Variants in NEXMIF observed in about 807,000 individuals in gnomAD.
NEXMIF encodes the protein XLMR protein related to neurite extension.
A neutral mutation model predicts 62.1 loss-of-function variants in NEXMIF; 8 were observed. The observed-to-expected ratio is 0.13, with a 90% CI of 0.08 to 0.23. The LOEUF is 0.23. Ranked by LOEUF, NEXMIF falls within the 10% of genes least tolerant of loss-of-function variation. The pLI is 1.00. For missense variants in NEXMIF, 976 were observed against 1,113.3 expected, an observed-to-expected ratio of 0.88 and a Z score of 1.75; for synonymous variants, 404 against 416.6, an observed-to-expected ratio of 0.97 and a Z score of 0.37.
intron 1 of NEXMIF, among the ~76,000 whole-genome samples, chrX:74,815,789 C>A (rs186649271): frequency 1.8e-5 from 2 of 109,695 alleles, no homozygotes; most frequent in African/African-American, 6.7e-5. Flanking sequence ...CACGTGCCAC[C>A]ATTCCCGGCT....
Position 74,905,489 on chromosome X carries a change from C to T in NEXMIF, c.-48+19394G>A, listed in dbSNP as rs759040503. 5.3e-5 allele frequency among the ~76,000 whole-genome samples: 6 copies of T among 112,335 alleles called. No homozygotes were observed. In the South Asian group the frequency reaches 2.2e-3, roughly 42 times the overall value. ...AAGTATTTCTTATATTATTCCTAGT[C>T]TTTTCAATACTTTTATAATTATTCA... On this transcript the variant is annotated intron_variant, in intron 1 of 3. Coordinates refer to ENST00000055682, the MANE Select transcript of NEXMIF (RefSeq NM_001008537.3).
intron 1 of NEXMIF, among the ~76,000 whole-genome samples, chrX:74,817,892 C>G (rs1168616833): frequency 9.0e-6 from 1 of 110,869 alleles, no homozygotes; most frequent in African/African-American, 3.3e-5. Flanking sequence ...AGGAATACAG[C>G]TAACCAAAGA....
At chrX:74,802,100 A>C (rs184340322) in intron 1 of NEXMIF, among the ~76,000 whole-genome samples, 6 of 112,240 alleles carry the variant, frequency 5.3e-5, no homozygotes, top group Admixed American at 1.9e-4. Context: ...GCACCTGTAC[A>C]GCACCTCTGG....
At chrX:74,796,243 T>TATAATATATATATAC (rs1569345274) in intron 1 of NEXMIF, among the ~76,000 whole-genome samples, 1 of 36,994 alleles carries the variant, frequency 2.7e-5, no homozygotes, top group Non-Finnish European at 5.8e-5. Context: ...TATATATATA[T>TATAATATATATATAC]ACACATATAT....
At chrX:74,861,878 C>T (rs2080558854) in intron 1 of NEXMIF, among the ~76,000 whole-genome samples, 1 of 111,627 alleles carries the variant, frequency 9.0e-6, no homozygotes, top group Admixed American at 9.5e-5. Flanking sequence ...TCAATACCAG[C>T]CACTGCAAAA....
In NEXMIF at chrX:74,734,932, C is replaced by G. The variant is rs1026986806; in HGVS notation, c.*4473G>C. The G allele has an allele frequency of 1.8e-5, 2 of 112,108 alleles. No homozygotes were observed. The highest frequency in any genetic ancestry group is 6.5e-5 in the African/African-American group (2 of 30,806). The allele number at this position is 112,108 out of a possible 1,213,427, so 9.2% of individuals were successfully genotyped here. On this transcript the variant is annotated 3_prime_UTR_variant, in exon 4 of 4. Transcript: ENST00000055682. Reference sequence around the variant, plus strand: ...GTGTTTCCCAAGTTAAACAGCCCAACTAAAATTTTTTTCTCCCTTATTTGG... The same window carrying G: ...GTGTTTCCCAAGTTAAACAGCCCAAGTAAAATTTTTTTCTCCCTTATTTGG...
At chrX:74,819,598 A>C (rs2080387901) in intron 1 of NEXMIF, among the ~76,000 whole-genome samples, 1 of 112,336 alleles carries the variant, frequency 8.9e-6, no homozygotes, top group African/African-American at 3.2e-5. Context: ...GCTCATCATC[A>C]CTGCTCATTA....
chrX:74,866,484 A>G (rs1023798608), intron 1 of NEXMIF, among the ~76,000 whole-genome samples: 2 of 111,997 alleles, frequency 1.8e-5, no homozygotes, highest in African/African-American at 6.5e-5. Flanking sequence ...TAATGTTGGA[A>G]TGAGTTAAGA....
chrX:74,742,573 C>A lies in NEXMIF; in HGVS notation c.1984G>T (p.Ala662Ser). 8.3e-7 allele frequency: 1 copy of A among 1,208,615 alleles called. No homozygotes were observed. The highest frequency in any genetic ancestry group is 1.1e-6 in the Non-Finnish European group (1 of 893,699). The change falls in exon 3 of 4, where the codon GCT becomes TCT. Residue 662 changes from alanine to serine, a missense_variant. This residue lies in a region of NEXMIF where 639 missense variants were observed against 694.5 expected (regional missense o/e 0.92). Transcript: ENST00000055682. ...CCTCCATCTTCTTTATGATTACTAG[C>A]GTGCCTCTGATCATTACATAATGAA... ...QISLCNDQRH[A>S]SNHKEDGGLK...
intron 1 of NEXMIF, among the ~76,000 whole-genome samples, chrX:74,800,203 T>A (rs1187121752): frequency 1.8e-5 from 2 of 111,510 alleles, no homozygotes; most frequent in Non-Finnish European, 3.8e-5. Context: ...GAAACTCCCT[T>A]CTTTCTGGGC....
chrX:74,762,889 GC>G (rs1312800099), intron 1 of NEXMIF, among the ~76,000 whole-genome samples: 31 of 110,955 alleles, frequency 2.8e-4, no homozygotes, highest in African/African-American at 9.5e-4. Flanking sequence ...TGAGTAGGTT[GC>G]AAAAATTTTC....
rs2080114608 is a variant in NEXMIF, at chrX:74,743,439, C to A, written c.1118G>T (p.Trp373Leu). Residue 373 changes from tryptophan to leucine, a missense_variant, in exon 3 of 4, where the codon TGG (tryptophan) becomes TTG (leucine). Trp to Leu is a moderately conservative substitution (Grantham distance 61). Around this residue, in one of 5 missense-constraint regions of NEXMIF, gnomAD observed 639 missense variants for 694.5 expected, o/e 0.92. Transcript: ENST00000055682. ...QFKVPDVSII[W>L]GEEDKNLDKK... is the part of the protein sequence containing the mutation. ...GTCCAAGTTTTTATCTTCCTCCCCC[C>A]AGATGATGCTCACATCAGGGACCTT... The A allele has an allele frequency of 8.3e-7, 1 of 1,211,553 alleles. No individual in the cohort carries two copies.
At chrX:74,885,147 G>A (rs1360778614) in intron 1 of NEXMIF, among the ~76,000 whole-genome samples, 1 of 110,653 alleles carries the variant, frequency 9.0e-6, no homozygotes, top group Non-Finnish European at 1.9e-5. Context: ...ATTCAAAGCA[G>A]TGTGTAGAGG....
rs140855519 is a variant in NEXMIF, at chrX:74,892,994, T to C, written c.-48+31889A>G. Reference sequence around the variant, plus strand: ...AAAGAAATGGGCAAGGATGGGGAGCTAGACAGTAGTTTTTAAAAATAAGGA... The same window carrying C: ...AAAGAAATGGGCAAGGATGGGGAGCCAGACAGTAGTTTTTAAAAATAAGGA... On this transcript the variant is annotated intron_variant, in intron 1 of 3. Coordinates refer to ENST00000055682, the MANE Select transcript of NEXMIF (RefSeq NM_001008537.3). Among the ~76,000 whole-genome samples, 7 of 112,162 alleles carry C rather than the reference T, an allele frequency of 6.2e-5. No individual in the cohort carries two copies. The East Asian group carries it at 2.0e-3, about 32-fold the overall frequency.
intron 1 of NEXMIF, among the ~76,000 whole-genome samples, chrX:74,872,857 T>G (rs901831221): frequency 9.1e-6 from 1 of 110,132 alleles, no homozygotes; most frequent in Admixed American, 9.7e-5. Flanking sequence ...AATATTATAA[T>G]GGAGTAGAAA....
At chrX:74,774,186 T>C (rs768804081) in intron 1 of NEXMIF, among the ~76,000 whole-genome samples, 27 of 111,633 alleles carry the variant, frequency 2.4e-4, no homozygotes, top group Admixed American at 2.2e-3. Flanking sequence ...GCTTTACAGT[T>C]TAATAAAACT....
intron 1 of NEXMIF, among the ~76,000 whole-genome samples, chrX:74,754,649 T>C (rs1164471430): frequency 9.0e-6 from 1 of 111,320 alleles, no homozygotes; most frequent in Non-Finnish European, 1.9e-5. Context: ...TTCCAAGTGA[T>C]CATAGTTTTC....
At chrX:74,852,640 G>A (rs748515268) in intron 1 of NEXMIF, among the ~76,000 whole-genome samples, 74 of 111,741 alleles carry the variant, frequency 6.6e-4, no homozygotes, top group Non-Finnish European at 1.1e-3. Flanking sequence ...TCAATAATAA[G>A]AGGAACTTTG....
At chrX:74,755,078 T>C (rs1410545362) in intron 1 of NEXMIF, among the ~76,000 whole-genome samples, 1 of 111,926 alleles carries the variant, frequency 8.9e-6, no homozygotes, top group Non-Finnish European at 1.9e-5. Flanking sequence ...AGTGATACCC[T>C]TTCTATATTC....
Sources: gnomAD v4.1 joint callset for allele counts (sites outside exome capture counted in the v4.1 genomes callset) on GRCh38, gnomAD v4.1.1 for gene constraint, gnomAD v4.1.1 regional missense constraint, MANE v1.5 for transcripts, NCBI Gene and HGNC (gene_info 2026-07-23, HGNC 2026-07-21) for gene names.